Variants in SAMD12 observed in about 807,000 individuals in gnomAD.
SAMD12 encodes sterile alpha motif domain containing 12, also known as sterile alpha motif domain-containing protein 12.
Under a neutral mutation model 15.0 loss-of-function variants are expected in SAMD12, and 9 were observed. The observed-to-expected ratio is 0.60, with a 90% CI of 0.36 to 1.05. The LOEUF (loss-of-function observed/expected upper bound fraction) is 1.05. Ranked by LOEUF, SAMD12 falls within the 50% of genes least tolerant of loss-of-function variation. The probability of loss-of-function intolerance (pLI) is 0.01; values close to 1 mark genes in which losing one functional copy is unlikely to be tolerated. For synonymous variants in SAMD12, 86 were observed against 90.1 expected (o/e 0.96, Z 0.25); for missense variants, 230 against 234.2 (o/e 0.98, Z 0.12).
rs4876408 is a variant in SAMD12 at position 118,296,530 on chromosome 8, G to A, written c.433+83030C>T. On this transcript the variant is annotated intron_variant, in intron 4 of 4. Transcript: ENST00000409003. Reference sequence around the variant, plus strand: ...TCTCCCACTGGATTGTAAATTCCCCGAAGGCACAGCCTGCATGTGTTACAC... The same window carrying A: ...TCTCCCACTGGATTGTAAATTCCCCAAAGGCACAGCCTGCATGTGTTACAC... 1.5e-3 allele frequency among the ~76,000 whole-genome samples: 229 copies of A among 152,172 alleles called. 1 individual carries two copies. Among genetic ancestry groups the A allele is most frequent in the East Asian group, 0.014 (72 of 5,180 alleles).
chr8:118,271,809 CCACTGATGCAAGA>C (rs1563724663), intron 4 of SAMD12, among the ~76,000 whole-genome samples: 1 of 152,196 alleles, frequency 6.6e-6, no homozygotes, highest in Non-Finnish European at 1.5e-5. Context: ...TATACAGCTC[CCACTGATGCAAGA>C]CACTGATGCT....
intron 1 of SAMD12, among the ~76,000 whole-genome samples, chr8:118,605,397 T>C (rs899587448): frequency 1.3e-5 from 2 of 152,246 alleles, no homozygotes; most frequent in Admixed American, 6.5e-5. Flanking sequence ...GAATAGCTTA[T>C]GTTACTCCAG....
chr8:118,608,383 G>T (rs764688808), intron 1 of SAMD12, among the ~76,000 whole-genome samples: 38 of 151,778 alleles, frequency 2.5e-4, no homozygotes, highest in Non-Finnish European at 4.7e-4. Context: ...TCGTCTTCCC[G>T]TCCCATTTCT....
intron 4 of SAMD12, among the ~76,000 whole-genome samples, chr8:118,362,385 G>A (rs938124945): frequency 1.2e-4 from 18 of 152,168 alleles, no homozygotes; most frequent in South Asian, 4.1e-4. Flanking sequence ...TCTCTTCCTC[G>A]TTTCTGTGGT....
chr8:118,217,078 A>G (rs573927766), intron 4 of SAMD12, among the ~76,000 whole-genome samples: 15 of 152,006 alleles, frequency 9.9e-5, no homozygotes, highest in Non-Finnish European at 2.2e-4. Flanking sequence ...ATCTCGGCTC[A>G]CTGCAACTTC....
exon 5 of SAMD12, chr8:118,196,983 G>A (rs1819583347): frequency 6.6e-6 from 1 of 152,048 alleles, no homozygotes; most frequent in Non-Finnish European, 1.5e-5. Flanking sequence ...AGTATCTGGA[G>A]GTGAAGTCTA....
At chr8:118,197,965 T>C (rs1819613803) in intron 4 of SAMD12, among the ~76,000 whole-genome samples, 1 of 152,148 alleles carries the variant, frequency 6.6e-6, no homozygotes, top group Non-Finnish European at 1.5e-5. Context: ...GAGAAATAGG[T>C]GAAGCTGCCT....
At chr8:118,366,886 A>T (rs201573828) in intron 4 of SAMD12, among the ~76,000 whole-genome samples, 1,640 of 39,064 alleles carry the variant, frequency 0.042, 15 homozygotes, top group Non-Finnish European at 0.066. Flanking sequence ...TAAAATAATA[A>T]AATAAAATAA....
intron 4 of SAMD12, among the ~76,000 whole-genome samples, chr8:118,229,253 A>G (rs1812254046): frequency 6.6e-6 from 1 of 152,114 alleles, no homozygotes; most frequent in Non-Finnish European, 1.5e-5. Context: ...ATGTAACCAA[A>G]TACCACCTGT....
intron 4 of SAMD12, among the ~76,000 whole-genome samples, chr8:118,238,823 G>A (rs1812495490): frequency 6.6e-6 from 1 of 152,108 alleles, no homozygotes. Flanking sequence ...AGAAAATAGT[G>A]AAGATGGGAT....
rs568585977 is a variant in SAMD12 at position 118,584,045 on chromosome 8, G to GCTTT, written c.14-3156_14-3153dup. ...CAATCATGCCTTAAATCAGAAGAAA[G>GCTTT]CTTTTCTCTGCTAGTAAATACTTGG... On this transcript the variant is annotated intron_variant, in intron 1 of 3. Transcript: ENST00000314727. Among the ~76,000 whole-genome samples, 273 of 152,238 alleles carry GCTTT rather than the reference G, an allele frequency of 1.8e-3. 1 individual carries two copies. The highest frequency in any genetic ancestry group is 2.7e-3 in the Non-Finnish European group (181 of 68,010).
intron 2 of SAMD12, among the ~76,000 whole-genome samples, chr8:118,468,333 C>A (rs1257196116): frequency 1.3e-5 from 2 of 152,134 alleles, no homozygotes; most frequent in South Asian, 4.1e-4. Flanking sequence ...GTAAACCAAC[C>A]AGTTTTCTTA....
At chr8:118,268,462 C>T (rs73709237) in intron 4 of SAMD12, among the ~76,000 whole-genome samples, 3,333 of 152,204 alleles carry the variant, frequency 0.022, 140 homozygotes, top group African/African-American at 0.076. Flanking sequence ...TTTTTAAATA[C>T]TTATCACCAA....
chr8:118,369,819 T>C (rs1382252609), intron 4 of SAMD12, among the ~76,000 whole-genome samples: 3 of 151,866 alleles, frequency 2.0e-5, no homozygotes, highest in Non-Finnish European at 4.4e-5. Context: ...ACAAAAACTG[T>C]AGAAGAAAAT....
the SAMD12 span, among the ~76,000 whole-genome samples, chr8:118,133,630 A>G: frequency 6.6e-6 from 1 of 152,206 alleles, no homozygotes; most frequent in Non-Finnish European, 1.5e-5. Flanking sequence ...TTTAAGGACA[A>G]ATACCTTCCC....
At chr8:118,180,092 TGGCTCCTGAGAGGAGGTCAGGG>T in the SAMD12 span, among the ~76,000 whole-genome samples, 1 of 152,228 alleles carries the variant, frequency 6.6e-6, no homozygotes, top group African/African-American at 2.4e-5. Flanking sequence ...GGCTGAACTG[TGGCTCCTGAGAGGAGGTCAGGG>T]GGCTGAAATG....
intron 1 of SAMD12, among the ~76,000 whole-genome samples, chr8:118,590,173 G>C (rs901388412): frequency 6.6e-6 from 1 of 152,180 alleles, no homozygotes; most frequent in Non-Finnish European, 1.5e-5. Flanking sequence ...CCAGGAAAGA[G>C]ACAGCCTAGC....
intron 3 of SAMD12, among the ~76,000 whole-genome samples, chr8:118,402,239 C>A (rs1397469633): frequency 2.0e-5 from 3 of 152,094 alleles, no homozygotes; most frequent in African/African-American, 7.2e-5. Context: ...AAAGTGCATG[C>A]ATTTGACACT....
At chr8:118,372,567 A>G (rs1819160385) in intron 4 of SAMD12, among the ~76,000 whole-genome samples, 1 of 152,112 alleles carries the variant, frequency 6.6e-6, no homozygotes, top group Non-Finnish European at 1.5e-5. Context: ...TAAGATGCCA[A>G]TCAGCAATTC....
Sources: gnomAD v4.1 joint callset for allele counts (sites outside exome capture counted in the v4.1 genomes callset) on GRCh38, gnomAD v4.1.1 for gene constraint, MANE v1.5 for transcripts, NCBI Gene and HGNC (gene_info 2026-07-23, HGNC 2026-07-21) for gene names.